The following TRHDE variants were observed in gnomAD, a reference collection of about 807,000 sequenced individuals.
The protein encoded by TRHDE is thyrotropin releasing hormone degrading enzyme.
TRHDE carries 72 observed loss-of-function variants against 125.7 expected under a neutral mutation model. That is an observed-to-expected ratio of 0.57 (90% CI 0.47 to 0.70). The LOEUF is 0.70. Among genes scored for constraint, TRHDE ranks in the 30% least tolerant of loss-of-function variants. The pLI is 0.00. For synonymous variants in TRHDE, 509 were observed against 509.1 expected, an observed-to-expected ratio of 1.00 and a Z score of 0.00; for missense variants, 1,110 against 1,327.1, an observed-to-expected ratio of 0.84 and a Z score of 2.54.
chr12:72,249,353 A>C (rs1878635415), intron 2 of TRHDE, among the ~76,000 whole-genome samples: 2 of 152,180 alleles, frequency 1.3e-5, no homozygotes, highest in Admixed American at 1.3e-4. Flanking sequence ...GAAACAACCC[A>C]ATTAAAAATA....
At chr12:72,117,043 G>T (rs548414589) in intron 2 of TRHDE, among the ~76,000 whole-genome samples, 1 of 152,164 alleles carries the variant, frequency 6.6e-6, no homozygotes, top group East Asian at 1.9e-4. Context: ...TCTGTGGGTT[G>T]TCTCTTCTCT....
At chr12:72,305,553 A>G (rs1401172523) in intron 2 of TRHDE, among the ~76,000 whole-genome samples, 2 of 152,212 alleles carry the variant, frequency 1.3e-5, no homozygotes, top group African/African-American at 2.4e-5. Flanking sequence ...AGGTTCTAGC[A>G]TTTTCAATAG....
chr12:72,249,602 C>T (rs1878639598), intron 2 of TRHDE, among the ~76,000 whole-genome samples: 1 of 152,010 alleles, frequency 6.6e-6, no homozygotes, highest in Admixed American at 6.6e-5. Context: ...TAATTTAGAA[C>T]CATATGATAG....
At chr12:72,371,103 A>T (rs966003847) in intron 2 of TRHDE, among the ~76,000 whole-genome samples, 3 of 152,030 alleles carry the variant, frequency 2.0e-5, no homozygotes, top group African/African-American at 7.3e-5. Flanking sequence ...ACGGTCACTT[A>T]TTATTTGGTC....
At chr12:72,132,615 C>T (rs1054696817) in intron 2 of TRHDE, among the ~76,000 whole-genome samples, 3 of 151,424 alleles carry the variant, frequency 2.0e-5, no homozygotes, top group East Asian at 3.9e-4. Context: ...ATAAAATCAG[C>T]CCAACCCTGA....
chr12:72,267,139 T>C (rs1277752078), intron 2 of TRHDE, among the ~76,000 whole-genome samples: 4 of 152,130 alleles, frequency 2.6e-5, no homozygotes, highest in African/African-American at 9.6e-5. Flanking sequence ...GAAACATTTC[T>C]GGAACAAGAG....
chr12:72,639,813 C>T (rs931389673), intron 15 of TRHDE, among the ~76,000 whole-genome samples: 3 of 152,060 alleles, frequency 2.0e-5, no homozygotes, highest in Admixed American at 6.5e-5. Flanking sequence ...TTAGGCTGCT[C>T]GGGGGGTCAG....
At chr12:72,538,181 C>T (rs1487103282) in intron 6 of TRHDE, among the ~76,000 whole-genome samples, 1 of 151,958 alleles carries the variant, frequency 6.6e-6, no homozygotes, top group African/African-American at 2.4e-5. Context: ...TTGCTTCTAG[C>T]TTTCTCTTTT....
chr12:72,247,431 C>T (rs1216155740), intron 2 of TRHDE, among the ~76,000 whole-genome samples: 1 of 152,130 alleles, frequency 6.6e-6, no homozygotes, highest in Non-Finnish European at 1.5e-5. Context: ...TCCACTGGTC[C>T]ATGAACCATA....
intron 3 of TRHDE, among the ~76,000 whole-genome samples, chr12:72,419,326 T>C (rs1324775691): frequency 6.6e-6 from 1 of 152,202 alleles, no homozygotes; most frequent in Non-Finnish European, 1.5e-5. Flanking sequence ...CCAATTGTCT[T>C]AGTCCATTTT....
intron 2 of TRHDE, among the ~76,000 whole-genome samples, chr12:72,152,956 G>A (rs1233238141): frequency 6.6e-6 from 1 of 152,154 alleles, no homozygotes; most frequent in East Asian, 1.9e-4. Flanking sequence ...GATTGGAATA[G>A]TTTCAGAAGG....
intron 3 of TRHDE, among the ~76,000 whole-genome samples, chr12:72,466,148 A>G (rs967514808): frequency 3.3e-5 from 5 of 152,210 alleles, no homozygotes; most frequent in African/African-American, 7.2e-5. Flanking sequence ...CCGGCCTCCA[A>G]TTGTTTCCAC....
At chr12:72,584,002 C>T (rs1360859369) in intron 12 of TRHDE, among the ~76,000 whole-genome samples, 1 of 77,942 alleles carries the variant, frequency 1.3e-5, no homozygotes, top group Non-Finnish European at 2.0e-5. Flanking sequence ...GCAATCTCGG[C>T]TCACTGCAGG....
At chr12:72,111,054 G>A (rs1280331250) in intron 2 of TRHDE, among the ~76,000 whole-genome samples, 2 of 152,086 alleles carry the variant, frequency 1.3e-5, no homozygotes, top group Non-Finnish European at 2.9e-5. Flanking sequence ...TTCGCCAGTC[G>A]GTGCTTGTCA....
At chr12:72,463,651 C>G (rs919344025) in intron 3 of TRHDE, among the ~76,000 whole-genome samples, 1 of 152,064 alleles carries the variant, frequency 6.6e-6, no homozygotes, top group Non-Finnish European at 1.5e-5. Context: ...CACACTGGAG[C>G]CAGGGCTTAG....
At chr12:72,214,219 T>A (rs1252354074) in intron 2 of TRHDE, among the ~76,000 whole-genome samples, 1 of 152,172 alleles carries the variant, frequency 6.6e-6, no homozygotes, top group South Asian at 2.1e-4. Context: ...TCCAGAGCAC[T>A]GCATTCTGAA....
intron 2 of TRHDE, chr12:72,253,859 A>G (rs896330376): frequency 3.3e-5 from 5 of 151,934 alleles, no homozygotes; most frequent in Non-Finnish European, 5.9e-5. Flanking sequence ...TATGATGATG[A>G]GGCTTGCTAT....
At chr12:72,488,175 T>G (rs565969141) in intron 5 of TRHDE, among the ~76,000 whole-genome samples, 2 of 152,140 alleles carry the variant, frequency 1.3e-5, no homozygotes, top group South Asian at 2.1e-4. Context: ...AATAATAACC[T>G]TGACTGTAAA....
intron 1 of TRHDE, among the ~76,000 whole-genome samples, chr12:72,097,801 T>C (rs986409506): frequency 2.6e-5 from 4 of 152,106 alleles, no homozygotes. Flanking sequence ...TCATTCCTTT[T>C]TGTGGTTTGT....
Sources: gnomAD v4.1 joint callset for allele counts (sites outside exome capture counted in the v4.1 genomes callset) on GRCh38, gnomAD v4.1.1 for gene constraint, MANE v1.5 for transcripts, NCBI Gene and HGNC (gene_info 2026-07-23, HGNC 2026-07-21) for gene names.